The following UBR2 variants were observed in gnomAD, a reference collection of about 807,000 sequenced individuals.
UBR2 encodes the protein E3 ubiquitin-protein ligase UBR2.
A neutral mutation model predicts 247.9 loss-of-function variants in UBR2; 92 were observed. That is an observed-to-expected ratio of 0.37 (90% confidence interval 0.31 to 0.44). The LOEUF is 0.44. Ranked by LOEUF, UBR2 falls within the 20% of genes least tolerant of loss-of-function variation. The probability of loss-of-function intolerance (pLI) is 1.00; values close to 1 mark genes in which losing one functional copy is unlikely to be tolerated. For synonymous variants in UBR2, 672 were observed against 693.5 expected, an observed-to-expected ratio of 0.97 and a Z score of 0.49; for missense variants, 1,613 against 2,112.6, an observed-to-expected ratio of 0.76 and a Z score of 4.64.
Position 42,573,846 on chromosome 6 carries a change from T to C in UBR2, c.191T>C (p.Leu64Pro). Residue 64 changes from leucine to proline, a missense_variant, in exon 2 of 47, where the codon CTG (leucine) becomes CCG (proline). Physicochemically the swap from Leu to Pro is moderately conservative, Grantham distance 98 (BLOSUM62 -3). This residue lies in a region of UBR2 where 1,524 missense variants were observed against 1,967.3 expected (regional missense o/e 0.77). Transcript: ENST00000372901. ...PNPFPQKEDM[L>P]AQHVLLGPME... Reference sequence around the variant, plus strand: ...CCTTTTCCACAGAAAGAAGACATGCTGGCACAGCATGTTTTGTTGGGACCA... The same window carrying C: ...CCTTTTCCACAGAAAGAAGACATGCCGGCACAGCATGTTTTGTTGGGACCA... 1 of 1,614,122 alleles carries C rather than the reference T, an allele frequency of 6.2e-7. No homozygotes were observed.
chr6:42,647,417 T>TAAAAAAAA (rs750938791), intron 21 of UBR2, among the ~76,000 whole-genome samples: 1 of 102,172 alleles, frequency 9.8e-6, no homozygotes, highest in Non-Finnish European at 2.0e-5. Context: ...CCATCGCTAC[T>TAAAAAAAA]AAAAAAAAAA....
In UBR2 at chr6:42,632,605, T is replaced by C; in HGVS notation, c.1335T>C (p.Phe445=). ...ENLMSIIIKT[F]MDHLRHRDAQ... is the part of the protein sequence containing the mutation. ...TAATGAGCATTATCATTAAGACTTT[T>C]ATGGATCATTTGAGACATCGAGATG... The change falls in exon 12 of 47, where the codon TTT becomes TTC. Residue 445 remains phenylalanine (F), a synonymous_variant. Transcript: ENST00000372901. The C allele has an allele frequency of 6.2e-7, 1 of 1,613,444 alleles. No homozygotes were observed. Among genetic ancestry groups the C allele is most frequent in the Non-Finnish European group, 8.5e-7 (1 of 1,179,784 alleles).
In UBR2 at chr6:42,666,327, G is replaced by A. The variant is rs933179683; in HGVS notation, c.3881+82G>A. 9 of 1,206,666 alleles carry A rather than the reference G, an allele frequency of 7.5e-6. No homozygotes were observed. The Admixed American group carries it at 1.9e-4, about 25-fold the overall frequency. The allele number at this position is 1,206,666 out of a possible 1,614,324, so 74.7% of individuals were successfully genotyped here. On this transcript the variant is annotated intron_variant, in intron 34 of 46. Coordinates refer to ENST00000372901, the MANE Select transcript of UBR2 (RefSeq NM_001363705.2). ...TCAGCAGTTAGGAGGAATATGATTT[G>A]GCAAGTGAGGGAGCAAAATGTTATA...
intron 22 of UBR2, 53 bp downstream of exon 22, chr6:42,648,223 A>G (rs1247720125): frequency 3.4e-6 from 5 of 1,466,830 alleles, no homozygotes; most frequent in Non-Finnish European, 4.8e-6. Flanking sequence ...CAGTACATTC[A>G]TTTTTCTTAG....
At chr6:42,581,489 C>A (rs1791900757) in intron 2 of UBR2, among the ~76,000 whole-genome samples, 1 of 152,204 alleles carries the variant, frequency 6.6e-6, no homozygotes, top group Non-Finnish European at 1.5e-5. Flanking sequence ...CTGTGCCCAG[C>A]CAACCTGGCT....
At chr6:42,643,286 G>A (rs1461287857) in intron 18 of UBR2, among the ~76,000 whole-genome samples, 1 of 152,000 alleles carries the variant, frequency 6.6e-6, no homozygotes, top group Non-Finnish European at 1.5e-5. Flanking sequence ...CTGCTGAATG[G>A]ATTTAGTCAT....
chr6:42,623,654 G>A (rs1368458733), intron 11 of UBR2, among the ~76,000 whole-genome samples: 5 of 152,078 alleles, frequency 3.3e-5, no homozygotes, highest in African/African-American at 9.7e-5. Context: ...GTTTCACCAC[G>A]TTGGTCAGGC....
intron 8 of UBR2, 144 bp downstream of exon 8, chr6:42,612,435 G>T: frequency 1.9e-6 from 2 of 1,062,560 alleles, no homozygotes; most frequent in Middle Eastern, 3.5e-4. Flanking sequence ...ATATCTTTAT[G>T]CATAGAAGAA....
chr6:42,663,107 A>G lies in UBR2; in HGVS notation c.3537-151A>G, dbSNP rs1797913950. 1.1e-5 allele frequency: 7 copies of G among 625,104 alleles called. No homozygotes were observed. In the East Asian group the frequency reaches 2.4e-4, roughly 22 times the overall value. 38.7% of individuals were successfully genotyped at this position (625,104 alleles called of 1,614,324 possible). A position where few individuals can be genotyped will look rare whatever the true frequency, so the allele number is the denominator to read the frequency against. On this transcript the variant is annotated intron_variant, in intron 31 of 46. Coordinates refer to ENST00000372901, the MANE Select transcript of UBR2 (RefSeq NM_001363705.2). ...CTTTTAATCCATTTGGATTTTTAAA[A>G]TCACTCAAAAATCATGTTAAAAATA...
At chr6:42,663,231 G>T in intron 31 of UBR2, 27 bp from the exon 32 acceptor site, 1 of 1,513,696 alleles carries the variant, frequency 6.6e-7, no homozygotes, top group South Asian at 1.3e-5. Context: ...CCATTGTTTT[G>T]ATACCTCATG....
chr6:42,640,342 A>G, intron 16 of UBR2, 72 bp downstream of exon 16: 2 of 1,399,018 alleles, frequency 1.4e-6, no homozygotes, highest in Non-Finnish European at 2.0e-6. Flanking sequence ...ACTTTGAAAC[A>G]CATTTTTAGT....
At chr6:42,605,036 A>C (rs977307627) in intron 5 of UBR2, among the ~76,000 whole-genome samples, 1 of 151,918 alleles carries the variant, frequency 6.6e-6, no homozygotes, top group African/African-American at 2.4e-5. Flanking sequence ...CAAAAAAAAA[A>C]CAAAAAACAA....
rs561686529 is a variant in UBR2, at chr6:42,659,365, G to A, written c.3243-291G>A. ...AAAAAAAAAAAATTAGCCGGGTGTG[G>A]TGGTGCATGCCTATAATCCCAGCTA... is the stretch of plus-strand genomic sequence containing the variant. On this transcript the variant is annotated intron_variant, in intron 29 of 46. Coordinates refer to ENST00000372901, the MANE Select transcript of UBR2 (RefSeq NM_001363705.2). The surrounding 1 kb of genome is among the most constrained non-coding windows in gnomAD (Gnocchi z 4.3). Among the ~76,000 whole-genome samples, 55 of 152,028 alleles carry A rather than the reference G, an allele frequency of 3.6e-4. No homozygotes were observed. The highest frequency in any genetic ancestry group is 1.2e-3 in the South Asian group (6 of 4,818).
chr6:42,565,840 G>A (rs1157399668), intron 1 of UBR2, among the ~76,000 whole-genome samples: 1 of 152,106 alleles, frequency 6.6e-6, no homozygotes, highest in Non-Finnish European at 1.5e-5. Context: ...GATTACAGGC[G>A]TGAGCCACTG....
chr6:42,614,375 T>TATATATGTATGTACATACATACATAC (rs70990112), intron 8 of UBR2, among the ~76,000 whole-genome samples: 1 of 69,752 alleles, frequency 1.4e-5, no homozygotes, highest in Non-Finnish European at 3.0e-5. Flanking sequence ...TGTGTATGTG[T>TATATATGTATGTACATACATACATAC]GTATATATGT....
intron 11 of UBR2, among the ~76,000 whole-genome samples, chr6:42,627,646 C>T (rs1267268535): frequency 2.0e-5 from 3 of 151,810 alleles, no homozygotes; most frequent in Non-Finnish European, 2.9e-5. Flanking sequence ...TACAAGTGTG[C>T]GCCACTACAC....
At chr6:42,565,157 A>G (rs976728226) in intron 1 of UBR2, among the ~76,000 whole-genome samples, 1 of 152,256 alleles carries the variant, frequency 6.6e-6, no homozygotes, top group Non-Finnish European at 1.5e-5. Context: ...TAGTAGGAGC[A>G]GTTATATTCC....
chr6:42,685,960 C>G (rs1799363299), intron 44 of UBR2, among the ~76,000 whole-genome samples: 1 of 152,178 alleles, frequency 6.6e-6, no homozygotes. Context: ...TCTCTGTTGC[C>G]TCTTTCTCCT....
At chr6:42,662,087 G>A (rs1797845849) in intron 30 of UBR2, 97 bp from the exon 31 acceptor site, 1 of 738,928 alleles carries the variant, frequency 1.4e-6, no homozygotes, top group Non-Finnish European at 2.2e-6. Flanking sequence ...CAAATTTCAA[G>A]TCTTTATCAA....
Sources: allele counts gnomAD v4.1 joint callset (sites outside exome capture counted in the v4.1 genomes callset), GRCh38; gene constraint gnomAD v4.1.1; regional missense constraint gnomAD v4.1.1; non-coding constraint Gnocchi (gnomAD v3.1); transcripts MANE v1.5; gene names NCBI Gene and HGNC (gene_info 2026-07-23, HGNC 2026-07-21).